The following ADAMTSL3 variants were observed in gnomAD, a reference collection of about 807,000 sequenced individuals.
ADAMTSL3 encodes the protein ADAMTS like 3.
ADAMTSL3 carries 128 observed loss-of-function variants against 201.7 expected under a neutral mutation model. The observed-to-expected ratio is 0.63, with a 90% CI of 0.55 to 0.73. The LOEUF (loss-of-function observed/expected upper bound fraction) is 0.73, where lower values mean the gene tolerates loss of function less well. ADAMTSL3 is among the 30% of genes least tolerant of loss of function. ADAMTSL3 has a pLI of 0.00. For synonymous variants in ADAMTSL3, 738 were observed against 748.4 expected (o/e 0.99, Z 0.23); for missense variants, 1,990 against 2,119.6 (o/e 0.94, Z 1.20).
At chr15:83,993,465 A>T (rs2067621252) in intron 23 of ADAMTSL3, among the ~76,000 whole-genome samples, 1 of 152,174 alleles carries the variant, frequency 6.6e-6, no homozygotes, top group African/African-American at 2.4e-5. Flanking sequence ...GGCATATATA[A>T]TTTTTTTATT....
chr15:83,848,583 T>G (rs983279283), intron 7 of ADAMTSL3, among the ~76,000 whole-genome samples: 3 of 152,226 alleles, frequency 2.0e-5, no homozygotes, highest in Admixed American at 1.3e-4. Flanking sequence ...AAACTCTGTG[T>G]GATGAGTGAA....
intron 9 of ADAMTSL3, among the ~76,000 whole-genome samples, chr15:83,873,854 A>T (rs1313810346): frequency 6.9e-6 from 1 of 145,942 alleles, no homozygotes; most frequent in Non-Finnish European, 1.5e-5. Context: ...GATTAGCAGG[A>T]GTGCAAGAGA....
intron 4 of ADAMTSL3, among the ~76,000 whole-genome samples, chr15:83,791,832 C>T (rs2063349321): frequency 6.6e-6 from 1 of 150,512 alleles, no homozygotes; most frequent in African/African-American, 2.5e-5. Flanking sequence ...GCACTCCAGC[C>T]TGGGCGACAG....
At chr15:83,838,599 A>G (rs986816549) in intron 7 of ADAMTSL3, among the ~76,000 whole-genome samples, 1 of 152,202 alleles carries the variant, frequency 6.6e-6, no homozygotes, top group Non-Finnish European at 1.5e-5. Flanking sequence ...TACTGAAGCC[A>G]TTTATCAATT....
chr15:83,714,763 CTT>C (rs1433547185), intron 3 of ADAMTSL3, among the ~76,000 whole-genome samples: 1 of 88,786 alleles, frequency 1.1e-5, no homozygotes, highest in Non-Finnish European at 2.3e-5. Context: ...TCCCTTTTCT[CTT>C]TCTTTCTTTC....
At chr15:83,789,347 A>G (rs12902288) in intron 4 of ADAMTSL3, among the ~76,000 whole-genome samples, 1 of 152,016 alleles carries the variant, frequency 6.6e-6, no homozygotes, top group African/African-American at 2.4e-5. Flanking sequence ...CTTCTGTTTC[A>G]TCTCTGAGAG....
intron 13 of ADAMTSL3, among the ~76,000 whole-genome samples, 160 bp from the exon 14 acceptor site, chr15:83,897,697 CA>C (rs2065645024): frequency 6.6e-6 from 1 of 152,160 alleles, no homozygotes; most frequent in Non-Finnish European, 1.5e-5. Flanking sequence ...ACAAGTATCA[CA>C]GAAAATTAGC....
intron 6 of ADAMTSL3, among the ~76,000 whole-genome samples, chr15:83,836,632 AAAT>A (rs1304921572): frequency 3.3e-5 from 5 of 152,246 alleles, no homozygotes; most frequent in African/African-American, 1.2e-4. Context: ...AAACACAGAG[AAAT>A]AATAACATTG....
intron 25 of ADAMTSL3, among the ~76,000 whole-genome samples, chr15:84,019,333 T>C (rs188463769): frequency 6.6e-6 from 1 of 152,258 alleles, no homozygotes; most frequent in Admixed American, 6.5e-5. Context: ...TGGAAGACGA[T>C]TTAGCAGCTC....
chr15:84,014,954 T>TGA (rs1491159931), intron 24 of ADAMTSL3, among the ~76,000 whole-genome samples: 27 of 4,946 alleles, frequency 5.5e-3, no homozygotes, highest in Middle Eastern at 0.071. Flanking sequence ...GTGTGTGTGA[T>TGA]TTTTTTTTTT....
At chr15:84,035,975 C>G (rs1218716325) in intron 28 of ADAMTSL3, among the ~76,000 whole-genome samples, 1 of 152,190 alleles carries the variant, frequency 6.6e-6, no homozygotes, top group Admixed American at 6.5e-5. Context: ...CTGGTTCTAG[C>G]AACCTCCAAA....
chr15:83,738,038 A>G (rs1158913982), intron 3 of ADAMTSL3, among the ~76,000 whole-genome samples: 1 of 152,212 alleles, frequency 6.6e-6, no homozygotes, highest in Non-Finnish European at 1.5e-5. Flanking sequence ...GTACTACAAG[A>G]TGATTACCCA....
At chr15:83,956,354 G>A (rs1403137790) in intron 19 of ADAMTSL3, among the ~76,000 whole-genome samples, 1 of 152,202 alleles carries the variant, frequency 6.6e-6, no homozygotes, top group Non-Finnish European at 1.5e-5. Context: ...GCCTCTTTCA[G>A]TGATAAGAAA....
intron 12 of ADAMTSL3, among the ~76,000 whole-genome samples, chr15:83,892,034 G>A (rs1245412619): frequency 6.6e-6 from 1 of 151,502 alleles, no homozygotes; most frequent in Non-Finnish European, 1.5e-5. Context: ...GGCCAACATG[G>A]CGAAACCCCA....
In ADAMTSL3 at chr15:83,982,729, G is replaced by A; in HGVS notation, c.3101G>A (p.Arg1034Lys). ...TTGGGAGTCACATGGCACAAAATGA[G>A]GCAAATGTGGAATAACAAAAATGAC... ...NSLGVTWHKMRQMWNNKNDLY... is the reference protein window; with the variant it reads ...NSLGVTWHKMKQMWNNKNDLY... The change falls in exon 21 of 30, where the codon AGG (arginine) becomes AAG (lysine). Residue 1034 changes from arginine (R) to lysine (K), a missense_variant. By Grantham distance (26) the Arg-to-Lys change is conservative (BLOSUM62 2). Coordinates refer to ENST00000286744, the MANE Select transcript of ADAMTSL3 (RefSeq NM_207517.3). 1.9e-6 allele frequency: 3 copies of A among 1,614,024 alleles called. No individual in the cohort carries two copies. Among genetic ancestry groups the A allele is most frequent in the Non-Finnish European group, 1.7e-6 (2 of 1,180,024 alleles).
At chr15:83,747,337 TG>T (rs1417241468) in intron 3 of ADAMTSL3, among the ~76,000 whole-genome samples, 1 of 152,236 alleles carries the variant, frequency 6.6e-6, no homozygotes, top group African/African-American at 2.4e-5. Flanking sequence ...GGAAGAGTGT[TG>T]AAACAACATT....
intron 3 of ADAMTSL3, among the ~76,000 whole-genome samples, chr15:83,752,946 C>T (rs2141676866): frequency 6.6e-6 from 1 of 152,306 alleles, no homozygotes; most frequent in East Asian, 1.9e-4. Flanking sequence ...GAATTATGCC[C>T]TGACTTCACA....
At chr15:83,911,951 A>G (rs1207648609) in intron 15 of ADAMTSL3, among the ~76,000 whole-genome samples, 1 of 152,190 alleles carries the variant, frequency 6.6e-6, no homozygotes, top group Non-Finnish European at 1.5e-5. Context: ...TCTCTTAAGC[A>G]TTTGTAGTTT....
chr15:83,683,745 C>G (rs1219522931), intron 2 of ADAMTSL3, among the ~76,000 whole-genome samples: 1 of 152,138 alleles, frequency 6.6e-6, no homozygotes, highest in Middle Eastern at 3.2e-3. Flanking sequence ...CTCCTTCACA[C>G]CCTCAGTCTC....
Sources: allele counts gnomAD v4.1 joint callset (sites outside exome capture counted in the v4.1 genomes callset), GRCh38; gene constraint gnomAD v4.1.1; transcripts MANE v1.5; gene names NCBI Gene and HGNC (gene_info 2026-07-23, HGNC 2026-07-21).